DLGAP2: variants seen among roughly 807,000 people sequenced by gnomAD.
The protein encoded by DLGAP2 is disks large-associated protein 2.
A neutral mutation model predicts 100.3 loss-of-function variants in DLGAP2; 26 were observed. The observed-to-expected ratio is 0.26, with a 90% confidence interval of 0.19 to 0.36. The LOEUF is 0.36. Ranked by LOEUF, DLGAP2 falls within the 10% of genes least tolerant of loss-of-function variation. The pLI, the probability that DLGAP2 is intolerant of heterozygous loss-of-function variation, is 1.00. For synonymous variants in DLGAP2, 886 were observed against 630.1 expected (o/e 1.41, Z -6.08); for missense variants, 1,858 against 1,453.2 (o/e 1.28, Z -4.53).
chr8:1,465,115 T>C (rs576033430), intron 3 of DLGAP2, among the ~76,000 whole-genome samples: 1 of 152,258 alleles, frequency 6.6e-6, no homozygotes, highest in African/African-American at 2.4e-5. Context: ...GAACCTCAGG[T>C]CCCACAGGGG....
intron 5 of DLGAP2, among the ~76,000 whole-genome samples, chr8:1,564,673 C>T (rs184687660): frequency 4.6e-5 from 7 of 152,290 alleles, no homozygotes; most frequent in East Asian, 1.9e-4. Context: ...ATATATAATA[C>T]GCACGGGTGC....
chr8:1,689,909 G>A (rs1171891569), intron 12 of DLGAP2, among the ~76,000 whole-genome samples: 7 of 152,200 alleles, frequency 4.6e-5, no homozygotes, highest in African/African-American at 1.7e-4. Flanking sequence ...TTGTTGCTCT[G>A]GCAAATAATA....
At chr8:1,270,008 A>T (rs977040833) in intron 3 of DLGAP2, among the ~76,000 whole-genome samples, 2 of 152,150 alleles carry the variant, frequency 1.3e-5, no homozygotes, top group Admixed American at 1.3e-4. Context: ...CTGGGCGGGG[A>T]GCATTTTCAT....
intron 3 of DLGAP2, among the ~76,000 whole-genome samples, chr8:1,288,701 T>C (rs949965115): frequency 2.2e-5 from 3 of 134,852 alleles, no homozygotes; most frequent in Non-Finnish European, 4.8e-5. Flanking sequence ...GTGTGTGTGG[T>C]TCTGTTAGGG....
At chr8:834,888 AAAAC>A (rs1165758474) in intron 1 of DLGAP2, among the ~76,000 whole-genome samples, 2 of 152,244 alleles carry the variant, frequency 1.3e-5, no homozygotes, top group African/African-American at 4.8e-5. Context: ...AATAAAAACA[AAAAC>A]AAACTTTCTA....
chr8:1,408,654 A>C (rs187009521), intron 3 of DLGAP2, among the ~76,000 whole-genome samples: 3 of 152,256 alleles, frequency 2.0e-5, no homozygotes, highest in Admixed American at 1.3e-4. Flanking sequence ...TTGAAAATGT[A>C]TCTTGGATGT....
At chr8:1,028,467 G>A (rs925557214) in intron 2 of DLGAP2, among the ~76,000 whole-genome samples, 2 of 150,806 alleles carry the variant, frequency 1.3e-5, no homozygotes, top group African/African-American at 2.4e-5. Context: ...GGTGTCAGGC[G>A]CCCTTTATTC....
chr8:874,154 GC>G (rs1797648175), intron 1 of DLGAP2, among the ~76,000 whole-genome samples: 1 of 152,058 alleles, frequency 6.6e-6, no homozygotes, highest in South Asian at 2.1e-4. Flanking sequence ...TTTTCAAAAA[GC>G]CACCTTTCCA....
At chr8:1,478,215 T>A (rs1342289393) in intron 3 of DLGAP2, among the ~76,000 whole-genome samples, 1 of 152,188 alleles carries the variant, frequency 6.6e-6, no homozygotes, top group African/African-American at 2.4e-5. Context: ...TGTTTACTCC[T>A]CCTTCAGACT....
At chr8:1,367,112 A>T (rs1319874434) in intron 3 of DLGAP2, among the ~76,000 whole-genome samples, 2 of 152,222 alleles carry the variant, frequency 1.3e-5, no homozygotes, top group African/African-American at 4.8e-5. Context: ...CATGCACATG[A>T]CCACAGACCC....
chr8:1,031,423 A>G (rs1273961194), intron 2 of DLGAP2, among the ~76,000 whole-genome samples: 1 of 150,720 alleles, frequency 6.6e-6, no homozygotes, highest in African/African-American at 2.4e-5. Context: ...TTGTTTGTTT[A>G]TTTTTTGAGA....
intron 4 of DLGAP2, among the ~76,000 whole-genome samples, chr8:1,529,738 T>G (rs1342145245): frequency 6.6e-6 from 1 of 152,232 alleles, no homozygotes. Context: ...TGCCCCGATA[T>G]TCACGTAGGT....
chr8:1,195,545 G>C (rs1349403523), intron 2 of DLGAP2, among the ~76,000 whole-genome samples: 1 of 152,108 alleles, frequency 6.6e-6, no homozygotes, highest in Non-Finnish European at 1.5e-5. Flanking sequence ...CAATTACTTG[G>C]TACCTTCCTA....
intron 3 of DLGAP2, among the ~76,000 whole-genome samples, chr8:1,430,045 A>ATATATATATAT (rs1797380927): frequency 2.7e-5 from 1 of 37,362 alleles, no homozygotes; most frequent in Non-Finnish European, 7.3e-5. Flanking sequence ...CACACATATG[A>ATATATATATAT]ACTTAGAATT....
intron 2 of DLGAP2, among the ~76,000 whole-genome samples, chr8:1,173,451 C>G (rs1453404726): frequency 2.0e-5 from 3 of 152,194 alleles, no homozygotes; most frequent in Admixed American, 6.5e-5. Flanking sequence ...GAGGCTACTG[C>G]TGTCTTTTTG....
intron 7 of DLGAP2, among the ~76,000 whole-genome samples, chr8:1,628,666 A>T: frequency 7.4e-6 from 1 of 134,296 alleles, no homozygotes; most frequent in Admixed American, 7.4e-5. Flanking sequence ...GTGGAGCAGG[A>T]ATTAAGAGCC....
At chr8:742,222 T>C (rs1005870942) in intron 1 of DLGAP2, among the ~76,000 whole-genome samples, 1 of 152,334 alleles carries the variant, frequency 6.6e-6, no homozygotes, top group East Asian at 1.9e-4. Flanking sequence ...GTTTCTTATA[T>C]GGTACATCGT....
At chr8:1,206,514 C>T (rs1797996307) in intron 2 of DLGAP2, among the ~76,000 whole-genome samples, 1 of 151,972 alleles carries the variant, frequency 6.6e-6, no homozygotes, top group African/African-American at 2.4e-5. Flanking sequence ...AGCGGTTAAT[C>T]TCCAGCCATC....
At chr8:838,209 T>G (rs1368972226) in intron 1 of DLGAP2, among the ~76,000 whole-genome samples, 2 of 152,102 alleles carry the variant, frequency 1.3e-5, no homozygotes, top group Non-Finnish European at 2.9e-5. Flanking sequence ...TCCCCTCCCT[T>G]TGTTCCTTTT....
Sources: gnomAD v4.1 joint callset for allele counts (sites outside exome capture counted in the v4.1 genomes callset) on GRCh38, gnomAD v4.1.1 for gene constraint, MANE v1.5 for transcripts, NCBI Gene and HGNC (gene_info 2026-07-23, HGNC 2026-07-21) for gene names.